ANO4: variants seen among roughly 807,000 people sequenced by gnomAD.
The protein encoded by ANO4 is anoctamin 4, also known as anoctamin-4.
A neutral mutation model predicts 141.9 loss-of-function variants in ANO4; 69 were observed. The ratio of observed to expected loss-of-function variants is 0.49; its 90% confidence interval spans 0.40 to 0.59. The LOEUF (loss-of-function observed/expected upper bound fraction) is 0.59. Ranked by LOEUF, ANO4 falls within the 20% of genes least tolerant of loss-of-function variation. ANO4 has a pLI of 0.00. For missense variants in ANO4, 894 were observed against 1,162.2 expected (o/e 0.77, Z 3.36); for synonymous variants, 350 against 394.3 (o/e 0.89, Z 1.33).
At chr12:101,047,198 G>A (rs1281371237) in intron 13 of ANO4, among the ~76,000 whole-genome samples, 4 of 152,140 alleles carry the variant, frequency 2.6e-5, no homozygotes, top group African/African-American at 9.7e-5. Context: ...GCAGTGAGCC[G>A]AGATTGCGCC....
At chr12:100,733,313 G>C (rs1192764986) in intron 1 of ANO4, among the ~76,000 whole-genome samples, 1 of 152,168 alleles carries the variant, frequency 6.6e-6, no homozygotes, top group African/African-American at 2.4e-5. Context: ...GGGGATGATA[G>C]CTCCCCTGCC....
intron 5 of ANO4, among the ~76,000 whole-genome samples, chr12:100,957,888 A>G (rs2043237878): frequency 1.3e-5 from 2 of 152,190 alleles, no homozygotes; most frequent in African/African-American, 4.8e-5. Context: ...TATTTTTTTT[A>G]GTAGAGATGG....
intron 7 of ANO4, 46 bp downstream of exon 7, chr12:100,974,935 C>T (rs770194804): frequency 1.3e-6 from 2 of 1,598,224 alleles, no homozygotes; most frequent in Non-Finnish European, 8.6e-7. Flanking sequence ...TTCTGTTGGC[C>T]CGTGTGCTCC....
intron 3 of ANO4, among the ~76,000 whole-genome samples, chr12:100,758,140 C>T (rs888002332): frequency 1.3e-5 from 2 of 152,220 alleles, no homozygotes; most frequent in African/African-American, 4.8e-5. Flanking sequence ...GCTTGTCTAA[C>T]TGCAATGCTC....
At chr12:100,738,595 G>A (rs1399458) in intron 2 of ANO4, among the ~76,000 whole-genome samples, 99,894 of 151,868 alleles carry the variant, frequency 0.66, 33,035 homozygotes, top group East Asian at 0.82. Flanking sequence ...AGAGAGTCCA[G>A]AGTTCCTTAG....
intron 14 of ANO4, among the ~76,000 whole-genome samples, chr12:101,072,679 G>A (rs1390406706): frequency 6.6e-6 from 1 of 152,022 alleles, no homozygotes; most frequent in African/African-American, 2.4e-5. Context: ...GAAAATTTTT[G>A]CAATCTACCC....
chr12:100,812,108 A>G (rs777988380), intron 1 of ANO4, among the ~76,000 whole-genome samples: 19 of 152,134 alleles, frequency 1.2e-4, no homozygotes, highest in Non-Finnish European at 2.5e-4. Context: ...TGAATCATGA[A>G]TCGTTCTTAT....
At chr12:100,770,386 T>C (rs115177080) in intron 3 of ANO4, among the ~76,000 whole-genome samples, 1,909 of 152,352 alleles carry the variant, frequency 0.013, 25 homozygotes, top group African/African-American at 0.043. Context: ...AGATTCTTTC[T>C]TCTTCCTCCC....
At chr12:100,982,412 A>C (rs2044508100) in intron 7 of ANO4, among the ~76,000 whole-genome samples, 1 of 152,214 alleles carries the variant, frequency 6.6e-6, no homozygotes, top group South Asian at 2.1e-4. Flanking sequence ...AGACTTTAAC[A>C]TATCTAAGTA....
chr12:101,005,564 C>G (rs2045834581), intron 8 of ANO4, among the ~76,000 whole-genome samples: 1 of 152,138 alleles, frequency 6.6e-6, no homozygotes, highest in Non-Finnish European at 1.5e-5. Flanking sequence ...AGCTCTGTAA[C>G]TTGTAAGGTA....
intron 1 of ANO4, among the ~76,000 whole-genome samples, chr12:100,869,481 G>A (rs370802228): frequency 1.2e-4 from 19 of 152,084 alleles, no homozygotes; most frequent in Admixed American, 7.2e-4. Context: ...TTGTGGGTTC[G>A]AAGTTTTCAT....
intron 2 of ANO4, among the ~76,000 whole-genome samples, chr12:100,910,068 G>A (rs1019449671): frequency 3.3e-5 from 5 of 151,814 alleles, no homozygotes; most frequent in Admixed American, 1.3e-4. Context: ...AAATTATATC[G>A]TTTGAAATTC....
chr12:100,954,876 G>T (rs190791559), intron 5 of ANO4, among the ~76,000 whole-genome samples: 197 of 152,244 alleles, frequency 1.3e-3, no homozygotes, highest in Admixed American at 4.4e-3. Context: ...AATTCACTGG[G>T]ACCCAATATT....
chr12:100,939,294 A>G (rs2042410506), intron 3 of ANO4, 21 bp from the exon 4 acceptor site: 1 of 1,605,494 alleles, frequency 6.2e-7, no homozygotes, highest in South Asian at 1.1e-5. Context: ...CCACCTTATA[A>G]TGTATTTACT....
intron 9 of ANO4, among the ~76,000 whole-genome samples, chr12:101,033,323 G>C (rs926468055): frequency 6.6e-6 from 1 of 151,968 alleles, no homozygotes; most frequent in African/African-American, 2.4e-5. Flanking sequence ...GTTGTGGGGT[G>C]GGGGAAGGGG....
At position 101,048,410 on chromosome 12, in the gene ANO4, T is replaced by C. The variant is rs2047720439; in HGVS notation, c.1312+9T>C. ...TTTCATGGCAGTCTGGGGTAAGTGT[T>C]CTATAACCATAAAACTTGAGTTTTC... On this transcript the variant is annotated intron_variant, in intron 14 of 27. Transcript: ENST00000392977. 2.5e-6 allele frequency: 4 copies of C among 1,612,448 alleles called. No homozygotes were observed. The East Asian group carries it at 8.9e-5, about 36-fold the overall frequency.
chr12:101,114,542 A>C (rs1003173224), intron 24 of ANO4, among the ~76,000 whole-genome samples: 1 of 152,130 alleles, frequency 6.6e-6, no homozygotes, highest in African/African-American at 2.4e-5. Flanking sequence ...AATTTTCTTA[A>C]TGGAGTTTTT....
intron 8 of ANO4, among the ~76,000 whole-genome samples, chr12:101,014,936 T>C (rs7134702): frequency 0.31 from 46,560 of 151,670 alleles, 7,684 homozygotes; most frequent in Non-Finnish European, 0.38. Flanking sequence ...CCTAAGGGAT[T>C]GCCCTGCCTC....
At chr12:100,948,891 A>C (rs78183141) in intron 5 of ANO4, among the ~76,000 whole-genome samples, 3,009 of 152,302 alleles carry the variant, frequency 0.02, 100 homozygotes, top group African/African-American at 0.068. Context: ...TGATTATCTT[A>C]TATGGTGTAT....
Sources: gnomAD v4.1 joint callset for allele counts (sites outside exome capture counted in the v4.1 genomes callset) on GRCh38, gnomAD v4.1.1 for gene constraint, MANE v1.5 for transcripts, NCBI Gene and HGNC (gene_info 2026-07-23, HGNC 2026-07-21) for gene names.